The following MVD variants were observed in gnomAD, a reference collection of about 807,000 sequenced individuals.
MVD encodes the protein diphosphomevalonate decarboxylase.
In MVD, 52 loss-of-function variants were observed where a neutral mutation model predicts 42.4. The observed-to-expected ratio is 1.23, with a 90% CI of 0.98 to 1.55. MVD has a LOEUF of 1.55. MVD is among the 40% of genes most tolerant of loss of function. MVD has a pLI of 0.00. For synonymous variants in MVD, 287 were observed against 243.2 expected (o/e 1.18, Z -1.68); for missense variants, 663 against 572.1 (o/e 1.16, Z -1.62).
Position 88,654,799 on chromosome 16 carries a change from G to A in MVD, c.906C>T (p.Tyr302=), listed in dbSNP as rs1210535954. ...NAHHGDTKVA[Y]TFDAGPNAVI... ...CGGCATTGGGGCCCGCGTCAAAGGTGTACGCCACCTGGAACCCACAGCAGT... is the reference window on the plus strand; with the variant it reads ...CGGCATTGGGGCCCGCGTCAAAGGTATACGCCACCTGGAACCCACAGCAGT... The change falls in exon 8 of 10, where the codon TAC becomes TAT. Residue 302 remains tyrosine, a synonymous_variant. Coordinates refer to ENST00000301012, the MANE Select transcript of MVD (RefSeq NM_002461.3). 6 of 1,574,988 alleles carry A rather than the reference G, an allele frequency of 3.8e-6. No individual in the cohort carries two copies. Among genetic ancestry groups the A allele is most frequent in the East Asian group, 2.3e-5 (1 of 43,644 alleles).
chr16:88,654,625 C>A lies in MVD; in HGVS notation c.1013+67G>T, dbSNP rs760445414. ...CAGCGCCACAGCCTTCAGGTGCCTCCGTCTCTTCCGACCAGAGTTCCTGGC... is the reference window on the plus strand; with the variant it reads ...CAGCGCCACAGCCTTCAGGTGCCTCAGTCTCTTCCGACCAGAGTTCCTGGC... On this transcript the variant is annotated intron_variant, in intron 8 of 9. Coordinates refer to ENST00000301012, the MANE Select transcript of MVD (RefSeq NM_002461.3). 41 of 1,489,886 alleles carry A rather than the reference C, an allele frequency of 2.8e-5. No homozygotes were observed. In the Admixed American group the frequency reaches 9.1e-4, roughly 33 times the overall value. The allele number at this position is 1,489,886 out of a possible 1,614,324, so 92.3% of individuals were successfully genotyped here.
At chr16:88,661,963 C>A (rs1347776915) in intron 1 of MVD, 1 of 150,658 alleles carries the variant, frequency 6.6e-6, no homozygotes, top group Non-Finnish European at 1.5e-5. Context: ...TACACACACA[C>A]AAACATACAT....
intron 1 of MVD, chr16:88,658,987 C>T (rs1204990947): frequency 1.0e-5 from 5 of 484,160 alleles, no homozygotes; most frequent in Admixed American, 9.8e-5. Flanking sequence ...ACTCCAGCAT[C>T]CGTGAGTGCC....
chr16:88,659,136 G>A (rs1325558256), intron 1 of MVD: 3 of 217,934 alleles, frequency 1.4e-5, no homozygotes, highest in East Asian at 1.0e-4. Flanking sequence ...TGCCCAGCAC[G>A]GCCATGGGAC....
chr16:88,657,346 C>A, intron 4 of MVD, 90 bp downstream of exon 4: 2 of 1,508,122 alleles, frequency 1.3e-6, no homozygotes, highest in Non-Finnish European at 1.8e-6. Context: ...TTTAGCCACG[C>A]CCAGCAGTGG....
chr16:88,662,961 C>A, intron 1 of MVD, 50 bp downstream of exon 1: 3 of 1,567,544 alleles, frequency 1.9e-6, no homozygotes, highest in Non-Finnish European at 2.6e-6. Flanking sequence ...CCCCGCGTAC[C>A]CGGCCTCGCT....
At chr16:88,655,863 C>G (rs924558024) in intron 5 of MVD, 133 bp from the exon 6 acceptor site, 15 of 1,199,116 alleles carry the variant, frequency 1.3e-5, no homozygotes, top group Non-Finnish European at 1.6e-5. Context: ...TGCCTGACCA[C>G]AGAGGCCTCC....
At chr16:88,658,572 C>A in intron 2 of MVD, 78 bp downstream of exon 2, 2 of 1,433,418 alleles carry the variant, frequency 1.4e-6, no homozygotes, top group Non-Finnish European at 1.9e-6. Context: ...TGTGAGCCAC[C>A]ATACCCAACG....
At chr16:88,656,691 C>G (rs1907951524) in intron 4 of MVD, 2 of 298,416 alleles carry the variant, frequency 6.7e-6, no homozygotes, top group East Asian at 7.9e-5. Context: ...CAGAGCTGGA[C>G]TCCACAAGAC....
At chr16:88,657,226 G>T in intron 4 of MVD, 1 of 768,836 alleles carries the variant, frequency 1.3e-6, no homozygotes, top group Non-Finnish European at 2.2e-6. Context: ...GATTACAGGC[G>T]AGAGCCCCAC....
chr16:88,655,147 T>C, intron 7 of MVD, 52 bp downstream of exon 7: 1 of 1,538,446 alleles, frequency 6.5e-7, no homozygotes, highest in Non-Finnish European at 8.8e-7. Flanking sequence ...AGCACAAGCC[T>C]AGACACGCGC....
rs2142889066 is a variant in MVD at position 88,652,679 on chromosome 16, G to C, written c.1123-74C>G. On this transcript the variant is annotated intron_variant, in intron 9 of 9. Coordinates refer to ENST00000301012, the MANE Select transcript of MVD (RefSeq NM_002461.3). ...CCTGTGCCCAGCATCTGTAGGGCCG[G>C]ACACAGGAGGGTAGCGGTGTGCCCC... 4.3e-6 allele frequency: 6 copies of C among 1,387,794 alleles called. No homozygotes were observed. In the South Asian group the frequency reaches 7.7e-5, roughly 18 times the overall value. The allele number at this position is 1,387,794 out of a possible 1,614,324, so 86.0% of individuals were successfully genotyped here.
chr16:88,656,683 G>C (rs964864935), intron 4 of MVD: 1 of 324,910 alleles, frequency 3.1e-6, no homozygotes, highest in African/African-American at 2.1e-5. Context: ...TGCCAGGACA[G>C]AGCTGGACTC....
chr16:88,655,330 T>A lies in MVD; in HGVS notation c.766A>T (p.Thr256Ser). Reference sequence around the variant, plus strand: ...TGGAACTGGTTGCTGTCCTTCATGGTCAGCTGGGCGAAGCTGGGGAAGTCT... The same window carrying A: ...TGGAACTGGTTGCTGTCCTTCATGGACAGCTGGGCGAAGCTGGGGAAGTCT... ...ERDFPSFAQL[T>S]MKDSNQFHAT... The change falls in exon 7 of 10, where the codon ACC (threonine) becomes TCC (serine). Residue 256 changes from threonine to serine, a missense_variant. Transcript: ENST00000301012. The A allele has an allele frequency of 6.2e-7, 1 of 1,601,628 alleles. No individual in the cohort carries two copies.
At chr16:88,660,415 C>G (rs1211145066) in intron 1 of MVD, 1 of 151,794 alleles carries the variant, frequency 6.6e-6, no homozygotes, top group Admixed American at 6.6e-5. Context: ...GAGGCCGAAG[C>G]AGGCAGATCA....
intron 4 of MVD, chr16:88,656,858 C>A: frequency 3.8e-6 from 1 of 266,014 alleles, no homozygotes; most frequent in Non-Finnish European, 7.5e-6. Flanking sequence ...AGCGTCACCC[C>A]TGGAGTTGAG....
chr16:88,661,452 G>A (rs1026926637), intron 1 of MVD, among the ~76,000 whole-genome samples: 1 of 151,972 alleles, frequency 6.6e-6, no homozygotes, highest in African/African-American at 2.4e-5. Context: ...TCAAACTCCT[G>A]ACCTCAGGTG....
chr16:88,657,863 T>C, intron 3 of MVD, 52 bp downstream of exon 3: 1 of 1,571,318 alleles, frequency 6.4e-7, no homozygotes, highest in Non-Finnish European at 8.7e-7. Context: ...TTCTGGATGC[T>C]CGGACCCTGC....
rs1567615151 is a variant in MVD at position 88,656,157 on chromosome 16, CG to C, written c.550del (p.Arg184GlyfsTer19). ...CCAGTGTGACTCGGGGGCCACTTGCCGAGCGATGCTGTCCTTCCCGTCGGCC... is the reference window on the plus strand; with the variant it reads ...CCAGTGTGACTCGGGGGCCACTTGCCAGCGATGCTGTCCTTCCCGTCGGCC... ...EQADGKDSIA[R>X]QVAPESHWPE... is the part of the protein sequence containing the mutation. On this transcript the variant is annotated frameshift_variant, in exon 5 of 10. Coordinates refer to ENST00000301012, the MANE Select transcript of MVD (RefSeq NM_002461.3). The C allele has an allele frequency of 3.7e-6, 6 of 1,602,120 alleles. No homozygotes were observed. Among genetic ancestry groups the C allele is most frequent in the African/African-American group, 1.3e-5 (1 of 74,916 alleles).
Sources: gnomAD v4.1 joint callset for allele counts (sites outside exome capture counted in the v4.1 genomes callset) on GRCh38, gnomAD v4.1.1 for gene constraint, MANE v1.5 for transcripts, NCBI Gene and HGNC (gene_info 2026-07-23, HGNC 2026-07-21) for gene names.